Variants in CNTN5 observed in about 807,000 individuals in gnomAD.
CNTN5 encodes the protein contactin 5.
In CNTN5, 77 loss-of-function variants were observed where a neutral mutation model predicts 129.1. The observed-to-expected ratio is 0.60, with a 90% CI of 0.50 to 0.72. The LOEUF (loss-of-function observed/expected upper bound fraction) is 0.72, where lower values mean the gene tolerates loss of function less well. Ranked by LOEUF, CNTN5 falls within the 30% of genes least tolerant of loss-of-function variation. CNTN5 has a pLI of 0.00. For missense variants in CNTN5, 1,478 were observed against 1,328.8 expected (o/e 1.11, Z -1.75); for synonymous variants, 509 against 465.6 (o/e 1.09, Z -1.20).
chr11:99,523,076 TA>T (rs143031034), intron 2 of CNTN5, among the ~76,000 whole-genome samples: 1 of 152,342 alleles, frequency 6.6e-6, no homozygotes, highest in Non-Finnish European at 1.5e-5. Flanking sequence ...GGCAATTATC[TA>T]CATTCTATCA....
At chr11:99,197,891 A>C (rs1858983609) in intron 1 of CNTN5, among the ~76,000 whole-genome samples, 1 of 152,190 alleles carries the variant, frequency 6.6e-6, no homozygotes, top group Non-Finnish European at 1.5e-5. Context: ...GACTGTTTTC[A>C]GAAATAAATG....
intron 2 of CNTN5, among the ~76,000 whole-genome samples, chr11:99,377,700 T>C: frequency 6.6e-6 from 1 of 152,260 alleles, no homozygotes. Context: ...TGCTACATAT[T>C]ATTTCCTCTT....
intron 1 of CNTN5, among the ~76,000 whole-genome samples, chr11:99,052,836 A>G (rs761142355): frequency 4.0e-5 from 6 of 151,868 alleles, no homozygotes; most frequent in Non-Finnish European, 8.8e-5. Flanking sequence ...CTGTGAGCCT[A>G]GTCTCAGACT....
At chr11:99,634,111 T>G (rs1202662370) in intron 3 of CNTN5, among the ~76,000 whole-genome samples, 1 of 152,172 alleles carries the variant, frequency 6.6e-6, no homozygotes, top group East Asian at 1.9e-4. Flanking sequence ...GTATTGGAAG[T>G]GGACTTGGGA....
chr11:99,682,270 G>A (rs1390894689), intron 3 of CNTN5, among the ~76,000 whole-genome samples: 1 of 151,770 alleles, frequency 6.6e-6, no homozygotes, highest in Admixed American at 6.6e-5. Flanking sequence ...TATACATTCT[G>A]GCAAAATAAA....
intron 1 of CNTN5, among the ~76,000 whole-genome samples, chr11:99,266,866 G>A (rs904918080): frequency 6.6e-5 from 10 of 151,944 alleles, no homozygotes; most frequent in East Asian, 1.9e-4. Flanking sequence ...ATAAGTATGC[G>A]CAACCTCAAA....
Position 100,257,306 on chromosome 11 carries a change from C to G in CNTN5, c.2164+1388C>G, listed in dbSNP as rs545920861. On this transcript the variant is annotated intron_variant, in intron 17 of 24. Coordinates refer to ENST00000524871, the MANE Select transcript of CNTN5 (RefSeq NM_014361.4). ...CCCAGTCAGGAGCTTATAGATAAAA[C>G]TCCCATCTCCCTGGGACAGAGCACC... Among the ~76,000 whole-genome samples, 21 of 152,316 alleles carry G rather than the reference C, an allele frequency of 1.4e-4. No homozygotes were observed. In the East Asian group the frequency reaches 4.1e-3, roughly 29 times the overall value.
intron 24 of CNTN5, among the ~76,000 whole-genome samples, chr11:100,352,637 A>G (rs966537073): frequency 6.6e-6 from 1 of 151,784 alleles, no homozygotes; most frequent in African/African-American, 2.4e-5. Context: ...AAGATGGGAG[A>G]AATCTGACTT....
chr11:100,189,510 C>A (rs1041279013), intron 13 of CNTN5, among the ~76,000 whole-genome samples: 4 of 151,996 alleles, frequency 2.6e-5, no homozygotes, highest in African/African-American at 9.7e-5. Flanking sequence ...GAGAATTCAC[C>A]CAAGTCAGTA....
chr11:99,999,530 G>A (rs1939710523), intron 8 of CNTN5, among the ~76,000 whole-genome samples: 1 of 152,210 alleles, frequency 6.6e-6, no homozygotes, highest in Non-Finnish European at 1.5e-5. Flanking sequence ...AGGATGTGGA[G>A]AAACAGGAAC....
intron 2 of CNTN5, among the ~76,000 whole-genome samples, chr11:99,358,226 C>A (rs1938832479): frequency 8.5e-6 from 1 of 117,798 alleles, no homozygotes; most frequent in Non-Finnish European, 1.8e-5. Flanking sequence ...GTAGCTGGGA[C>A]TACAGGCGCC....
chr11:100,178,270 C>A (rs576976761), intron 13 of CNTN5, among the ~76,000 whole-genome samples: 1 of 152,232 alleles, frequency 6.6e-6, no homozygotes, highest in South Asian at 2.1e-4. Context: ...TGTTTTATTT[C>A]TTTTCTATCT....
intron 1 of CNTN5, among the ~76,000 whole-genome samples, chr11:99,164,075 C>T (rs1860752061): frequency 6.6e-6 from 1 of 152,050 alleles, no homozygotes; most frequent in Non-Finnish European, 1.5e-5. Context: ...TGCCTGTAAT[C>T]CCAGCAATTT....
At chr11:99,432,464 CCTTTTCTTTTCTTTT>C (rs57219988) in intron 2 of CNTN5, among the ~76,000 whole-genome samples, 56 of 116,422 alleles carry the variant, frequency 4.8e-4, no homozygotes, top group African/African-American at 1.6e-3. Context: ...TCTTTTCTTT[CCTTTTCTTTTCTTTT>C]CTTTTCTTTT....
chr11:99,304,745 G>A (rs1274394805), intron 1 of CNTN5, among the ~76,000 whole-genome samples: 2 of 152,148 alleles, frequency 1.3e-5, no homozygotes, highest in African/African-American at 4.8e-5. Flanking sequence ...CAAATTGTTT[G>A]CCGCAATTCT....
At position 99,541,213 on chromosome 11, in the gene CNTN5, G is replaced by C. The variant is rs539787758; in HGVS notation, c.-70-14932G>C. On this transcript the variant is annotated intron_variant, in intron 2 of 24. Coordinates refer to ENST00000524871, the MANE Select transcript of CNTN5 (RefSeq NM_014361.4). ...CTGAATCCTCTGACATGCACAGTGGGCATGCCTGAAACTTCTTGTAGTGTA... is the reference window on the plus strand; with the variant it reads ...CTGAATCCTCTGACATGCACAGTGGCCATGCCTGAAACTTCTTGTAGTGTA... 1.6e-3 allele frequency among the ~76,000 whole-genome samples: 247 copies of C among 152,228 alleles called. 2 individuals carry two copies. The highest frequency in any genetic ancestry group is 5.3e-3 in the African/African-American group (219 of 41,538).
intron 8 of CNTN5, among the ~76,000 whole-genome samples, chr11:99,987,548 TAC>T (rs112393385): frequency 0.016 from 2,364 of 145,040 alleles, 64 homozygotes; most frequent in African/African-American, 0.055. Flanking sequence ...TATATACACA[TAC>T]ACACACACAC....
chr11:99,149,016 T>C (rs929744820), intron 1 of CNTN5, among the ~76,000 whole-genome samples: 1 of 152,174 alleles, frequency 6.6e-6, no homozygotes, highest in Non-Finnish European at 1.5e-5. Context: ...ACTCAGTTCA[T>C]AATGAGTAAT....
chr11:99,859,997 G>T (rs367856937), intron 6 of CNTN5, among the ~76,000 whole-genome samples: 1 of 152,184 alleles, frequency 6.6e-6, no homozygotes, highest in South Asian at 2.1e-4. Flanking sequence ...CAAAAGTCTC[G>T]CCAACATCTG....
Sources: gnomAD v4.1 joint callset for allele counts (sites outside exome capture counted in the v4.1 genomes callset) on GRCh38, gnomAD v4.1.1 for gene constraint, MANE v1.5 for transcripts, NCBI Gene and HGNC (gene_info 2026-07-23, HGNC 2026-07-21) for gene names.